The following UPF3B variants were observed in gnomAD, a reference collection of about 807,000 sequenced individuals.
UPF3B encodes regulator of nonsense transcripts 3B.
Under a neutral mutation model 40.3 loss-of-function variants are expected in UPF3B, and 7 were observed. The observed-to-expected ratio is 0.17, with a 90% CI of 0.10 to 0.33. The LOEUF (loss-of-function observed/expected upper bound fraction) is 0.33. Ranked by LOEUF, UPF3B falls within the 10% of genes least tolerant of loss-of-function variation. The probability of loss-of-function intolerance (pLI) is 1.00; values close to 1 mark genes in which losing one functional copy is unlikely to be tolerated. For missense variants in UPF3B, 229 were observed against 358.9 expected (o/e 0.64, Z 2.93); for synonymous variants, 117 against 117.3 (o/e 1.00, Z 0.01).
chrX:119,822,827 C>CA (rs2055936194), intron 4 of UPF3B: 1 of 272,968 alleles, frequency 3.7e-6, no homozygotes, highest in African/African-American at 2.9e-5. Flanking sequence ...AGGCTGGTCT[C>CA]AAAGTCCTGA....
intron 7 of UPF3B, 26 bp downstream of exon 7, chrX:119,841,050 T>C: frequency 1.7e-6 from 2 of 1,206,668 alleles, no homozygotes; most frequent in Non-Finnish European, 2.2e-6. Flanking sequence ...TTTAGCAACA[T>C]GCAGTCAGTT....
intron 7 of UPF3B, 144 bp from the exon 8 acceptor site, chrX:119,840,828 C>A (rs2056152473): frequency 1.6e-6 from 1 of 636,093 alleles, no homozygotes. Flanking sequence ...AAAAATCCAA[C>A]ATTTTCAATG....
intron 4 of UPF3B, among the ~76,000 whole-genome samples, chrX:119,815,559 T>C (rs1392236531): frequency 9.0e-6 from 1 of 111,501 alleles, no homozygotes; most frequent in Admixed American, 9.6e-5. Context: ...ATTTTGTCAC[T>C]CAGGCTGAAG....
chrX:119,841,577 G>A (rs903982917), intron 6 of UPF3B, among the ~76,000 whole-genome samples, 158 bp downstream of exon 6: 2 of 112,309 alleles, frequency 1.8e-5, no homozygotes, highest in Admixed American at 9.5e-5. Context: ...GAGTGAAGGA[G>A]CAGGCTAGAG....
intron 10 of UPF3B, 151 bp from the exon 11 acceptor site, chrX:119,835,178 C>T (rs1174590059): frequency 1.1e-5 from 7 of 609,134 alleles, no homozygotes; most frequent in African/African-American, 2.2e-5. Flanking sequence ...AACTTGCCTA[C>T]TTCCTCTCTC....
rs781644147 is a variant in UPF3B at position 119,834,358 on chromosome X, C to T, written c.*520G>A. On this transcript the variant is annotated 3_prime_UTR_variant, in exon 11 of 11. Coordinates refer to ENST00000276201, the MANE Select transcript of UPF3B (RefSeq NM_080632.3). ...ATAACTATTTAAATTTTTGTATCAA[C>T]GAAAGTGTGTTCTATCCTTCACTGT... 7.3e-5 allele frequency: 55 copies of T among 757,004 alleles called. No individual in the cohort carries two copies. The highest frequency in any genetic ancestry group is 4.4e-4 in the East Asian group (3 of 6,800). The allele number at this position is 757,004 out of a possible 1,213,427, so 62.4% of individuals were successfully genotyped here.
At chrX:119,841,600 A>C in intron 6 of UPF3B, 135 bp downstream of exon 6, 1 of 673,307 alleles carries the variant, frequency 1.5e-6, no homozygotes, top group Non-Finnish European at 2.3e-6. Flanking sequence ...TGAGACCAAG[A>C]AGGCAAATCC....
intron 5 of UPF3B, among the ~76,000 whole-genome samples, chrX:119,842,154 C>T (rs917329161): frequency 2.7e-5 from 3 of 111,826 alleles, no homozygotes; most frequent in African/African-American, 9.8e-5. Context: ...CATAATTCCA[C>T]TTCTGGGAAT....
At position 119,851,028 on chromosome X, in the gene UPF3B, C is replaced by T. The variant is rs141445378; in HGVS notation, c.370+467G>A. Reference sequence around the variant, plus strand: ...GTGCTGGGATAACAGGCGTGAGCCACCACACCAGGCCGAGATGTATCAAGT... The same window carrying T: ...GTGCTGGGATAACAGGCGTGAGCCATCACACCAGGCCGAGATGTATCAAGT... On this transcript the variant is annotated intron_variant, in intron 3 of 10. Coordinates refer to ENST00000276201, the MANE Select transcript of UPF3B (RefSeq NM_080632.3). Among the ~76,000 whole-genome samples, 973 of 112,531 alleles carry T rather than the reference C, an allele frequency of 8.6e-3. 6 individuals carry two copies. Among genetic ancestry groups the T allele is most frequent in the Middle Eastern group, 0.06 (13 of 218 alleles).
chrX:119,820,896 A>G (rs1207921872), intron 4 of UPF3B, among the ~76,000 whole-genome samples: 1 of 111,902 alleles, frequency 8.9e-6, no homozygotes, highest in Non-Finnish European at 1.9e-5. Context: ...CCATGTTAGG[A>G]AGGGCTGGCA....
At chrX:119,840,253 A>G (rs1325255583) in intron 8 of UPF3B, among the ~76,000 whole-genome samples, 2 of 111,797 alleles carry the variant, frequency 1.8e-5, no homozygotes, top group African/African-American at 6.5e-5. Context: ...TCTGCTGCTC[A>G]CAGATTCCCA....
intron 5 of UPF3B, among the ~76,000 whole-genome samples, chrX:119,842,678 A>G (rs2056182119): frequency 9.1e-6 from 1 of 110,214 alleles, no homozygotes; most frequent in Non-Finnish European, 1.9e-5. Flanking sequence ...ACAAACAAAC[A>G]AAAAAACCCC....
chrX:119,842,601 C>T lies in UPF3B; in HGVS notation c.580+590G>A, dbSNP rs36020066. Reference sequence around the variant, plus strand: ...TCTCTCACACACACACACACACACACACATACACACACACACACACACACA... The same window carrying T: ...TCTCTCACACACACACACACACACATACATACACACACACACACACACACA... On this transcript the variant is annotated intron_variant, in intron 5 of 10. Coordinates refer to ENST00000276201, the MANE Select transcript of UPF3B (RefSeq NM_080632.3). Among the ~76,000 whole-genome samples the T allele has an allele frequency of 2.9e-4, 26 of 91,109 alleles. No individual in the cohort carries two copies. In the East Asian group the frequency reaches 5.3e-3, roughly 19 times the overall value. The allele number at this position is 91,109 out of a possible 115,157, so 79.1% of individuals were successfully genotyped here.
intron 5 of UPF3B, among the ~76,000 whole-genome samples, chrX:119,814,859 C>CTTTT (rs140201169): frequency 3.4e-3 from 155 of 46,160 alleles, no homozygotes; most frequent in Non-Finnish European, 4.7e-3. Context: ...TTCTTTCTTT[C>CTTTT]TTTTTTTTTT....
Position 119,843,151 on chromosome X carries a change from G to A in UPF3B, c.580+40C>T, listed in dbSNP as rs771615371. ...TGGAGGTAGGAGACTTAGGTACTGTGATGAAAAGACTGTTGCCCTGATTCT... is the reference window on the plus strand; with the variant it reads ...TGGAGGTAGGAGACTTAGGTACTGTAATGAAAAGACTGTTGCCCTGATTCT... On this transcript the variant is annotated intron_variant, in intron 5 of 10. Transcript: ENST00000276201. 8.6e-6 allele frequency: 8 copies of A among 929,382 alleles called. No homozygotes were observed. In the African/African-American group the frequency reaches 1.4e-4, roughly 16 times the overall value. 76.6% of individuals were successfully genotyped at this position (929,382 alleles called of 1,213,427 possible).
Position 119,821,485 on chromosome X carries a change from TA to T in UPF3B, c.494+1456del, listed in dbSNP as rs2055918327. Among the ~76,000 whole-genome samples the T allele has an allele frequency of 2.7e-5, 3 of 112,555 alleles. 1 individual carries two copies. In the South Asian group the frequency reaches 1.1e-3, roughly 40 times the overall value. The stretch of plus-strand genomic sequence containing the variant: ...ATACTTCCAAGAGGCTAATACAGTA[TA>T]AAAAATTTAATTTCTCAAAACTCAC... On this transcript the variant is annotated intron_variant, in intron 4 of 6. Coordinates refer to the UPF3B transcript ENST00000636792.
At position 119,838,442 on chromosome X, in the gene UPF3B, T is replaced by A. The variant is rs1007550463; in HGVS notation, c.932A>T (p.Asp311Val). The A allele has an allele frequency of 8.3e-7, 1 of 1,211,728 alleles. No homozygotes were observed. Among genetic ancestry groups the A allele is most frequent in the African/African-American group, 1.7e-5 (1 of 57,954 alleles). ...AKKLDKENLSDERASGQSCTL... is the reference protein window; with the variant it reads ...AKKLDKENLSVERASGQSCTL... ...ACAACTTTGCCCACTGGCTCTTTCA[T>A]CACTGAGATTCTCTTTGTCCAATTT... Residue 311 changes from aspartate to valine, a missense_variant, in exon 9 of 11, where the codon GAT (aspartate) becomes GTT (valine). Transcript: ENST00000276201.
Position 119,834,870 on chromosome X carries a change from T to G in UPF3B, c.*8A>C. 8.3e-7 allele frequency: 1 copy of G among 1,211,110 alleles called. No homozygotes were observed. Among genetic ancestry groups the G allele is most frequent in the Non-Finnish European group, 1.1e-6 (1 of 895,545 alleles). On this transcript the variant is annotated 3_prime_UTR_variant, in exon 11 of 11. Transcript: ENST00000276201. ...GACAGTCAGGACACCTAAGGCCATC[T>G]GGACTTATCACTCCTCTCCTCCTTC...
rs780353084 is a variant in UPF3B at position 119,852,854 on chromosome X, G to A, written c.75C>T (p.Ser25=). Reference sequence around the variant, plus strand: ...AGCTGTCCCCCGAGGTCCCACCACCGCTGCCTGTGGCCCCGGCGGGGGTTA... The same window carrying A: ...AGCTGTCCCCCGAGGTCCCACCACCACTGCCTGTGGCCCCGGCGGGGGTTA... The part of the protein sequence containing the change: ...TLLTPAGATG[S]GGGTSGDSSK... Residue 25 remains serine, a synonymous_variant, in exon 1 of 11, where the codon AGC becomes AGT. Transcript: ENST00000276201. 9 of 1,212,153 alleles carry A rather than the reference G, an allele frequency of 7.4e-6. No individual in the cohort carries two copies. The highest frequency in any genetic ancestry group is 2.3e-4 in the Middle Eastern group (1 of 4,354).
Sources: allele counts gnomAD v4.1 joint callset (sites outside exome capture counted in the v4.1 genomes callset), GRCh38; gene constraint gnomAD v4.1.1; transcripts MANE v1.5; gene names NCBI Gene and HGNC (gene_info 2026-07-23, HGNC 2026-07-21).